MAPKAP1: variants seen among roughly 807,000 people sequenced by gnomAD.
MAPKAP1 encodes MAPK associated protein 1.
A neutral mutation model predicts 65.7 loss-of-function variants in MAPKAP1; 20 were observed. The observed-to-expected ratio is 0.30, with a 90% confidence interval of 0.21 to 0.44. The LOEUF (loss-of-function observed/expected upper bound fraction) is 0.44. Among genes scored for constraint, MAPKAP1 ranks in the 20% least tolerant of loss-of-function variants. MAPKAP1 has a pLI of 1.00. For missense variants in MAPKAP1, 423 were observed against 648.0 expected (o/e 0.65, Z 3.77); for synonymous variants, 222 against 244.3 (o/e 0.91, Z 0.85).
rs1852329257 is a variant in MAPKAP1, at chr9:125,437,443, TCA to T, written c.*1442_*1443del. Reference sequence around the variant, plus strand: ...TAATATCATTTTAATATCGAATATGTCACAAGATTTAATGACCAAATTAGTCA... The same window carrying T: ...TAATATCATTTTAATATCGAATATGTCAAGATTTAATGACCAAATTAGTCA... On this transcript the variant is annotated 3_prime_UTR_variant, in exon 12 of 12. Coordinates refer to ENST00000265960, the MANE Select transcript of MAPKAP1 (RefSeq NM_001006617.3). 1 of 152,550 alleles carries T rather than the reference TCA, an allele frequency of 6.6e-6. No individual in the cohort carries two copies. Among genetic ancestry groups the T allele is most frequent in the Non-Finnish European group, 1.5e-5 (1 of 68,048 alleles). The allele number at this position is 152,550 out of a possible 1,614,324, so 9.4% of individuals were successfully genotyped here.
chr9:125,693,832 T>C (rs903190245), intron 1 of MAPKAP1, among the ~76,000 whole-genome samples: 63 of 80,880 alleles, frequency 7.8e-4, no homozygotes, highest in South Asian at 1.4e-3. Flanking sequence ...CACACACACA[T>C]ATATATACAC....
intron 7 of MAPKAP1, among the ~76,000 whole-genome samples, chr9:125,537,178 A>G (rs1359785074): frequency 6.6e-6 from 1 of 152,256 alleles, no homozygotes; most frequent in African/African-American, 2.4e-5. Context: ...TTACTTACTA[A>G]GGAAACTTGG....
At chr9:125,569,822 T>C (rs773341661) in intron 5 of MAPKAP1, among the ~76,000 whole-genome samples, 5 of 152,260 alleles carry the variant, frequency 3.3e-5, no homozygotes, top group Non-Finnish European at 7.3e-5. Flanking sequence ...TTGTGTGTAA[T>C]GCTTATATAA....
intron 3 of MAPKAP1, among the ~76,000 whole-genome samples, chr9:125,663,904 T>C (rs1834260994): frequency 6.6e-6 from 1 of 152,038 alleles, no homozygotes; most frequent in Non-Finnish European, 1.5e-5. Context: ...AAAAAATAAA[T>C]AGCCTGGAAA....
chr9:125,672,657 G>A lies in MAPKAP1; in HGVS notation c.-69-14C>T, dbSNP rs1834530166. On this transcript the variant is annotated splice_polypyrimidine_tract_variant and intron_variant, in intron 1 of 11. Transcript: ENST00000265960. Reference sequence around the variant, plus strand: ...GAGCTCACCTACCTAGAAACATGATGTACACAGCAAATATTTAAGAATAAG... The same window carrying A: ...GAGCTCACCTACCTAGAAACATGATATACACAGCAAATATTTAAGAATAAG... 3 of 1,449,318 alleles carry A rather than the reference G, an allele frequency of 2.1e-6. 1 individual carries two copies. The highest frequency in any genetic ancestry group is 9.5e-7 in the Non-Finnish European group (1 of 1,052,262). 89.8% of individuals were successfully genotyped at this position (1,449,318 alleles called of 1,614,324 possible).
intron 8 of MAPKAP1, among the ~76,000 whole-genome samples, chr9:125,490,369 G>A (rs1325519565): frequency 3.3e-5 from 5 of 151,906 alleles, no homozygotes; most frequent in Non-Finnish European, 7.4e-5. Context: ...GTGAAACCCC[G>A]TTTCTACTAA....
chr9:125,475,449 A>G lies in MAPKAP1; in HGVS notation c.1208-7340T>C, dbSNP rs187122897. On this transcript the variant is annotated intron_variant, in intron 9 of 11. Transcript: ENST00000265960. ...ACTGGTTTCATTCAAAGGACTAACC[A>G]TTCTGAAACGGTTTGGGAACCACAG... Among the ~76,000 whole-genome samples, 724 of 152,336 alleles carry G rather than the reference A, an allele frequency of 4.8e-3. 4 individuals are homozygous for G. The highest frequency in any genetic ancestry group is 0.016 in the African/African-American group (679 of 41,564).
chr9:125,661,401 G>T (rs1434886833), intron 3 of MAPKAP1, among the ~76,000 whole-genome samples: 1 of 152,150 alleles, frequency 6.6e-6, no homozygotes, highest in Admixed American at 6.6e-5. Context: ...CAAAAGCAAA[G>T]CCTGAAAACA....
chr9:125,568,450 G>A (rs544666664), intron 5 of MAPKAP1, among the ~76,000 whole-genome samples: 1 of 152,304 alleles, frequency 6.6e-6, no homozygotes, highest in South Asian at 2.1e-4. Flanking sequence ...ATTGTCGGCT[G>A]CATTGAGTGG....
intron 7 of MAPKAP1, among the ~76,000 whole-genome samples, chr9:125,535,843 A>AGT (rs59246270): frequency 0.02 from 3,060 of 152,056 alleles, 103 homozygotes; most frequent in African/African-American, 0.07. Context: ...CTGACTTCTA[A>AGT]GTGTGTGTGT....
At chr9:125,576,520 C>G (rs1345850472) in intron 5 of MAPKAP1, among the ~76,000 whole-genome samples, 4 of 151,732 alleles carry the variant, frequency 2.6e-5, no homozygotes, top group Non-Finnish European at 5.9e-5. Flanking sequence ...TCTCCCTCTC[C>G]CTCTCCCCAC....
chr9:125,686,940 C>A (rs1564617029), intron 1 of MAPKAP1, among the ~76,000 whole-genome samples: 1 of 151,976 alleles, frequency 6.6e-6, no homozygotes. Context: ...GATTCTCCTG[C>A]CTCAGCCTCC....
chr9:125,533,940 T>C (rs1209625606), intron 7 of MAPKAP1, among the ~76,000 whole-genome samples: 1 of 152,190 alleles, frequency 6.6e-6, no homozygotes, highest in African/African-American at 2.4e-5. Context: ...GAGAGCTAAG[T>C]TGAACAAATT....
intron 4 of MAPKAP1, among the ~76,000 whole-genome samples, chr9:125,619,116 G>C (rs925410656): frequency 8.5e-5 from 13 of 152,158 alleles, no homozygotes; most frequent in Non-Finnish European, 1.9e-4. Flanking sequence ...CTGGGCAACA[G>C]AGTAAGACCC....
intron 6 of MAPKAP1, among the ~76,000 whole-genome samples, chr9:125,555,925 A>C (rs1304996279): frequency 6.6e-6 from 1 of 152,196 alleles, no homozygotes; most frequent in Non-Finnish European, 1.5e-5. Context: ...TCGGAGAAGA[A>C]AAATGTAGAA....
At chr9:125,496,867 G>A (rs556508498) in intron 8 of MAPKAP1, among the ~76,000 whole-genome samples, 7 of 152,226 alleles carry the variant, frequency 4.6e-5, no homozygotes, top group African/African-American at 1.7e-4. Context: ...GATGTGAGGG[G>A]CTCAGGAGGC....
intron 7 of MAPKAP1, among the ~76,000 whole-genome samples, chr9:125,536,259 A>C (rs1830069970): frequency 6.6e-6 from 1 of 152,222 alleles, no homozygotes. Flanking sequence ...CAGGAGCCTC[A>C]GAGCACTCCA....
At chr9:125,661,455 C>T (rs939822989) in intron 3 of MAPKAP1, among the ~76,000 whole-genome samples, 16 of 152,180 alleles carry the variant, frequency 1.1e-4, no homozygotes, top group East Asian at 9.6e-4. Flanking sequence ...CTGGTACATG[C>T]GTATCACAGA....
rs933414974 is a variant in MAPKAP1, at chr9:125,506,292, G to C, written c.1066+18C>G. ...TTGCAACGGACAAAGCGGGCATGGA[G>C]CGAGGCGGCCAACGTACTGTTCTCG... On this transcript the variant is annotated intron_variant, in intron 8 of 11. Coordinates refer to ENST00000265960, the MANE Select transcript of MAPKAP1 (RefSeq NM_001006617.3). 5.6e-6 allele frequency: 9 copies of C among 1,603,390 alleles called. No individual in the cohort carries two copies. Among genetic ancestry groups the C allele is most frequent in the Non-Finnish European group, 7.7e-6 (9 of 1,170,326 alleles).
Sources: gnomAD v4.1 joint callset for allele counts (sites outside exome capture counted in the v4.1 genomes callset) on GRCh38, gnomAD v4.1.1 for gene constraint, MANE v1.5 for transcripts, NCBI Gene and HGNC (gene_info 2026-07-23, HGNC 2026-07-21) for gene names.